Variants in SHTN1 observed in about 807,000 individuals in gnomAD.
The protein encoded by SHTN1 is shootin 1, also known as shootin-1.
A neutral mutation model predicts 83.1 loss-of-function variants in SHTN1; 42 were observed. The observed-to-expected ratio is 0.51, with a 90% CI of 0.39 to 0.65. The LOEUF (loss-of-function observed/expected upper bound fraction) is 0.65. SHTN1 is among the 30% of genes least tolerant of loss of function. The pLI is 0.00. For missense variants in SHTN1, 622 were observed against 737.8 expected, an observed-to-expected ratio of 0.84 and a Z score of 1.82; for synonymous variants, 224 against 247.7, an observed-to-expected ratio of 0.90 and a Z score of 0.90.
At chr10:116,917,451 G>A (rs765046706) in intron 12 of SHTN1, among the ~76,000 whole-genome samples, 4 of 152,106 alleles carry the variant, frequency 2.6e-5, no homozygotes, top group Non-Finnish European at 1.5e-5. Context: ...ATTACAAGAA[G>A]CGTCACTACG....
In SHTN1 at chr10:117,123,313, T is replaced by C. The variant is rs79737781; in HGVS notation, c.-189+2994A>G. Among the ~76,000 whole-genome samples, 36 of 152,198 alleles carry C rather than the reference T, an allele frequency of 2.4e-4. No individual in the cohort carries two copies. The East Asian group carries it at 7.0e-3, about 30-fold the overall frequency. ...GGTTCTATCCCTTTCCACTCTTCATTTTCCCGTTCTCTACCTGTGACTAGA... is the reference window on the plus strand; with the variant it reads ...GGTTCTATCCCTTTCCACTCTTCATCTTCCCGTTCTCTACCTGTGACTAGA... On this transcript the variant is annotated intron_variant, in intron 1 of 17. Coordinates refer to the SHTN1 transcript ENST00000392901.
intron 2 of SHTN1, among the ~76,000 whole-genome samples, chr10:117,020,235 A>T (rs1451327010): frequency 6.6e-6 from 1 of 152,124 alleles, no homozygotes; most frequent in South Asian, 2.1e-4. Context: ...CATGCCTGTA[A>T]TCCCAGCACT....
intron 1 of SHTN1, among the ~76,000 whole-genome samples, chr10:117,089,643 A>C (rs1373518139): frequency 6.6e-6 from 1 of 152,158 alleles, no homozygotes; most frequent in Non-Finnish European, 1.5e-5. Context: ...GTATCAACAG[A>C]ATGAGAAGAA....
At chr10:117,002,027 A>G (rs552134955) in intron 1 of SHTN1, among the ~76,000 whole-genome samples, 3 of 152,294 alleles carry the variant, frequency 2.0e-5, no homozygotes, top group African/African-American at 7.2e-5. Flanking sequence ...AAAAATTCAA[A>G]AACTTGTCAG....
intron 6 of SHTN1, among the ~76,000 whole-genome samples, chr10:116,951,101 G>C (rs1435974112): frequency 6.6e-6 from 1 of 152,184 alleles, no homozygotes; most frequent in African/African-American, 2.4e-5. Context: ...AAAGGCAATT[G>C]TGAGGGTCTT....
chr10:117,099,594 C>T (rs1336266760), intron 1 of SHTN1, among the ~76,000 whole-genome samples: 1 of 152,108 alleles, frequency 6.6e-6, no homozygotes, highest in African/African-American at 2.4e-5. Context: ...CTTTTCACCA[C>T]ACCATGCTGC....
intron 2 of SHTN1, among the ~76,000 whole-genome samples, chr10:117,029,313 CA>C (rs1852373001): frequency 6.6e-6 from 1 of 151,966 alleles, no homozygotes; most frequent in African/African-American, 2.4e-5. Flanking sequence ...TCTGATTTTA[CA>C]GGCTTATATG....
chr10:117,006,240 GTTTT>G (rs11434853), upstream of SHTN1, among the ~76,000 whole-genome samples: 2 of 147,250 alleles, frequency 1.4e-5, no homozygotes, highest in African/African-American at 5.0e-5. Context: ...GTTTTTTTTT[GTTTT>G]TTTTTTGTTT....
intron 3 of SHTN1, among the ~76,000 whole-genome samples, chr10:116,962,670 G>T (rs1372004045): frequency 1.3e-5 from 2 of 152,126 alleles, no homozygotes; most frequent in Non-Finnish European, 2.9e-5. Context: ...TGAACATTTT[G>T]TAAAAAGGTG....
At chr10:116,911,755 C>G (rs760705356) in intron 14 of SHTN1, 35 bp downstream of exon 14, 7 of 1,585,164 alleles carry the variant, frequency 4.4e-6, no homozygotes, top group Non-Finnish European at 6.1e-6. Flanking sequence ...TTCATTTCCC[C>G]ATTAGCTAAA....
chr10:116,940,326 G>C, intron 9 of SHTN1, 140 bp downstream of exon 9: 1 of 766,774 alleles, frequency 1.3e-6, no homozygotes, highest in Non-Finnish European at 2.0e-6. Flanking sequence ...CTAAAAGGTG[G>C]TTGAAAGCAC....
intron 8 of SHTN1, among the ~76,000 whole-genome samples, chr10:116,943,504 C>T (rs986990236): frequency 5.9e-5 from 9 of 152,172 alleles, no homozygotes; most frequent in African/African-American, 1.9e-4. Flanking sequence ...ATTTATATTG[C>T]TCCAACGTTT....
intron 1 of SHTN1, among the ~76,000 whole-genome samples, chr10:117,095,871 G>A (rs929517878): frequency 1.3e-5 from 2 of 152,166 alleles, no homozygotes; most frequent in Non-Finnish European, 2.9e-5. Context: ...CACTCACAGA[G>A]AAAGCTACAT....
intron 14 of SHTN1, among the ~76,000 whole-genome samples, chr10:116,908,635 A>G (rs1199077554): frequency 6.6e-6 from 1 of 152,206 alleles, no homozygotes; most frequent in Non-Finnish European, 1.5e-5. Flanking sequence ...GACACTGTGT[A>G]GTTTTTCTCA....
At chr10:117,069,563 T>C (rs1054314083) in intron 1 of SHTN1, among the ~76,000 whole-genome samples, 5 of 152,100 alleles carry the variant, frequency 3.3e-5, no homozygotes, top group African/African-American at 1.2e-4. Context: ...CCTTCAGGAT[T>C]CAAACCAGAT....
intron 1 of SHTN1, among the ~76,000 whole-genome samples, chr10:117,068,402 T>G (rs138813815): frequency 2.0e-4 from 30 of 152,188 alleles, no homozygotes; most frequent in African/African-American, 7.2e-4. Flanking sequence ...CAACGATCTT[T>G]ACTGGGTCCG....
At chr10:116,988,646 TCAAG>T (rs1445395199) in intron 1 of SHTN1, among the ~76,000 whole-genome samples, 1 of 151,982 alleles carries the variant, frequency 6.6e-6, no homozygotes, top group African/African-American at 2.4e-5. Flanking sequence ...ACTCCTAGGC[TCAAG>T]CAATCCTTCT....
At chr10:116,947,808 C>T (rs1325634896) in intron 7 of SHTN1, among the ~76,000 whole-genome samples, 1 of 152,158 alleles carries the variant, frequency 6.6e-6, no homozygotes, top group Non-Finnish European at 1.5e-5. Flanking sequence ...ATGATTAATC[C>T]TTGCAGAACC....
At chr10:117,021,742 TA>T (rs1852266650) in intron 2 of SHTN1, among the ~76,000 whole-genome samples, 1 of 152,168 alleles carries the variant, frequency 6.6e-6, no homozygotes, top group Non-Finnish European at 1.5e-5. Context: ...ATTTTAGTTA[TA>T]ATACCAAAAA....
Sources: gnomAD v4.1 joint callset for allele counts (sites outside exome capture counted in the v4.1 genomes callset) on GRCh38, gnomAD v4.1.1 for gene constraint, MANE v1.5 for transcripts, NCBI Gene and HGNC (gene_info 2026-07-23, HGNC 2026-07-21) for gene names.